Variants in FAM185A observed in about 807,000 individuals in gnomAD.
FAM185A encodes the protein protein FAM185A.
Under a neutral mutation model 45.7 loss-of-function variants are expected in FAM185A, and 21 were observed. The ratio of observed to expected loss-of-function variants is 0.46; its 90% CI spans 0.33 to 0.66. The LOEUF is 0.66. FAM185A is among the 30% of genes least tolerant of loss of function. The pLI, the probability that FAM185A is intolerant of heterozygous loss-of-function variation, is 0.03. For synonymous variants in FAM185A, 117 were observed against 194.0 expected (o/e 0.60, Z 3.30); for missense variants, 305 against 485.4 (o/e 0.63, Z 3.49).
At chr7:102,817,236 A>C in the FAM185A span, among the ~76,000 whole-genome samples, 33 of 152,276 alleles carry the variant, frequency 2.2e-4, 1 homozygote, top group East Asian at 6.2e-3. Context: ...GTGTAAAAGC[A>C]TTCCCTTTTT....
intron 7 of FAM185A, among the ~76,000 whole-genome samples, chr7:102,806,699 A>G (rs544342370): frequency 1.3e-5 from 2 of 152,302 alleles, no homozygotes; most frequent in Admixed American, 6.5e-5. Flanking sequence ...CACCTTCATA[A>G]CCTTGATTTG....
At chr7:102,785,585 T>C (rs549572515) in intron 6 of FAM185A, among the ~76,000 whole-genome samples, 32 of 150,918 alleles carry the variant, frequency 2.1e-4, no homozygotes, top group African/African-American at 6.4e-4. Context: ...GGGGAAAGGA[T>C]TCCCTATTTA....
At chr7:102,768,961 C>T (rs3987948) in intron 4 of FAM185A, among the ~76,000 whole-genome samples, 113,827 of 152,006 alleles carry the variant, frequency 0.75, 43,284 homozygotes, top group Middle Eastern at 0.85. Flanking sequence ...GCTAATAATG[C>T]CCATTTTGTT....
At chr7:102,842,451 C>A in the FAM185A span, among the ~76,000 whole-genome samples, 1 of 152,230 alleles carries the variant, frequency 6.6e-6, no homozygotes, top group Admixed American at 6.5e-5. Context: ...CCAAAATCAA[C>A]TTTGGTTGAG....
chr7:102,776,399 C>T (rs1423782604), intron 5 of FAM185A, among the ~76,000 whole-genome samples: 1 of 152,024 alleles, frequency 6.6e-6, no homozygotes, highest in Non-Finnish European at 1.5e-5. Flanking sequence ...TTCCCTTGAA[C>T]TTGAGATACT....
At chr7:102,799,513 A>G (rs1356974524) in intron 7 of FAM185A, among the ~76,000 whole-genome samples, 3 of 152,270 alleles carry the variant, frequency 2.0e-5, no homozygotes, top group African/African-American at 7.2e-5. Flanking sequence ...TCATGGTACT[A>G]TTATAACAGA....
At chr7:102,810,954 CT>C (rs1235596515), downstream of FAM185A, among the ~76,000 whole-genome samples, 4 of 152,102 alleles carry the variant, frequency 2.6e-5, no homozygotes, top group African/African-American at 9.7e-5. Flanking sequence ...CAAAAGTCAG[CT>C]TTGTAGGATA....
intron 5 of FAM185A, 86 bp from the exon 6 acceptor site, chr7:102,777,167 T>C: frequency 2.7e-6 from 4 of 1,477,708 alleles, no homozygotes; most frequent in African/African-American, 1.4e-5. Context: ...CTTATCCTAA[T>C]GCTAAAGCAG....
chr7:102,822,583 G>C, the FAM185A span: 2 of 386,960 alleles, frequency 5.2e-6, no homozygotes, highest in South Asian at 2.0e-5. Context: ...GTCACAGTGG[G>C]AGTTAGGGTT....
the FAM185A span, among the ~76,000 whole-genome samples, chr7:102,839,456 G>A: frequency 7.9e-5 from 12 of 151,988 alleles, no homozygotes; most frequent in Non-Finnish European, 1.2e-4. Flanking sequence ...TCAGTCTCTC[G>A]TCCCACCTGA....
intron 7 of FAM185A, among the ~76,000 whole-genome samples, chr7:102,797,708 A>G (rs1254013965): frequency 6.6e-6 from 1 of 152,164 alleles, no homozygotes; most frequent in African/African-American, 2.4e-5. Flanking sequence ...TATACTTAGC[A>G]TGGCACTTCC....
chr7:102,786,506 G>T (rs374518040), intron 6 of FAM185A, among the ~76,000 whole-genome samples: 2 of 152,052 alleles, frequency 1.3e-5, no homozygotes, highest in African/African-American at 2.4e-5. Context: ...CCATAAAAAA[G>T]GATGAGTTCA....
Position 102,798,242 on chromosome 7 carries a change from C to A in FAM185A, c.1067-10048C>A, listed in dbSNP as rs190534633. ...TAAATAAGGAGGAAGGCTTTTGAAA[C>A]CCCAAATTCCAATATATGTTGAAAA... On this transcript the variant is annotated intron_variant, in intron 7 of 7. Transcript: ENST00000413034. 1.2e-3 allele frequency among the ~76,000 whole-genome samples: 190 copies of A among 152,266 alleles called. 3 individuals carry two copies. Among genetic ancestry groups the A allele is most frequent in the Admixed American group, 6.9e-3 (105 of 15,300 alleles).
In FAM185A at chr7:102,749,532, G is replaced by C. The variant is rs1394809940; in HGVS notation, c.325G>C (p.Glu109Gln). Residue 109 changes from glutamate (E) to glutamine (Q), a missense_variant, in exon 1 of 8, where the codon GAG becomes CAG. By Grantham distance (29) the Glu-to-Gln change is conservative. Coordinates refer to ENST00000413034, the MANE Select transcript of FAM185A (RefSeq NM_001145268.2). Reference protein sequence around the residue: ...DRVLVAVCGVEGGVRGLDGLQ... With the variant: ...DRVLVAVCGVQGGVRGLDGLQ... The stretch of plus-strand genomic sequence containing the variant: ...CGTGCTGGTCGCGGTGTGCGGCGTG[G>C]AGGGCGGCGTGCGGGGCCTGGACGG... The C allele has an allele frequency of 6.6e-7, 1 of 1,519,996 alleles. No individual in the cohort carries two copies. The highest frequency in any genetic ancestry group is 8.8e-7 in the Non-Finnish European group (1 of 1,133,934). 94.2% of individuals were successfully genotyped at this position (1,519,996 alleles called of 1,614,324 possible). A position where few individuals can be genotyped will look rare whatever the true frequency, so the allele number is the denominator to read the frequency against.
At chr7:102,783,554 G>C (rs1465530917) in intron 6 of FAM185A, among the ~76,000 whole-genome samples, 1 of 151,998 alleles carries the variant, frequency 6.6e-6, no homozygotes, top group Non-Finnish European at 1.5e-5. Flanking sequence ...ATGACTACTG[G>C]GTACATAACG....
At chr7:102,756,114 A>C (rs1316283220) in intron 2 of FAM185A, among the ~76,000 whole-genome samples, 2 of 150,688 alleles carry the variant, frequency 1.3e-5, no homozygotes, top group Non-Finnish European at 1.5e-5. Context: ...ACCATGCTAT[A>C]GTACAGATTT....
intron 2 of FAM185A, among the ~76,000 whole-genome samples, chr7:102,754,403 C>T (rs1168730799): frequency 1.3e-5 from 2 of 152,264 alleles, no homozygotes; most frequent in East Asian, 1.9e-4. Flanking sequence ...TTGTCTTGAA[C>T]TCCTTTCCTC....
At chr7:102,783,433 A>G (rs1795548418) in intron 6 of FAM185A, among the ~76,000 whole-genome samples, 1 of 152,114 alleles carries the variant, frequency 6.6e-6, no homozygotes, top group South Asian at 2.1e-4. Context: ...AAAAGAACAG[A>G]AATTATAACA....
At chr7:102,822,354 G>C in the FAM185A span, 1 of 789,160 alleles carries the variant, frequency 1.3e-6, no homozygotes. Flanking sequence ...AGGCTGGGAA[G>C]TCCAAGACTG....
Sources: gnomAD v4.1 joint callset for allele counts (sites outside exome capture counted in the v4.1 genomes callset) on GRCh38, gnomAD v4.1.1 for gene constraint, MANE v1.5 for transcripts, NCBI Gene and HGNC (gene_info 2026-07-23, HGNC 2026-07-21) for gene names.